The following SH3RF3 variants were observed in gnomAD, a reference collection of about 807,000 sequenced individuals.
The protein encoded by SH3RF3 is E3 ubiquitin-protein ligase SH3RF3.
A neutral mutation model predicts 66.3 loss-of-function variants in SH3RF3; 29 were observed. The ratio of observed to expected loss-of-function variants is 0.44; its 90% CI spans 0.33 to 0.60. The LOEUF is 0.60. SH3RF3 is among the 20% of genes least tolerant of loss of function. The probability of loss-of-function intolerance (pLI) is 0.04; values close to 1 mark genes in which losing one functional copy is unlikely to be tolerated. For missense variants in SH3RF3, 1,194 were observed against 1,190.9 expected, an observed-to-expected ratio of 1.00 and a Z score of -0.04; for synonymous variants, 583 against 532.0, an observed-to-expected ratio of 1.10 and a Z score of -1.32.
chr2:109,351,794 A>T (rs1298434243), intron 2 of SH3RF3, among the ~76,000 whole-genome samples: 1 of 152,236 alleles, frequency 6.6e-6, no homozygotes, highest in Non-Finnish European at 1.5e-5. Flanking sequence ...GGCTGCAGCC[A>T]CTGTGCTGTC....
At chr2:109,498,573 G>A (rs1461970642) in intron 9 of SH3RF3, among the ~76,000 whole-genome samples, 10 of 152,212 alleles carry the variant, frequency 6.6e-5, no homozygotes, top group Admixed American at 5.9e-4. Context: ...CATGCACTCA[G>A]CTCGATTTTC....
Position 109,343,615 on chromosome 2 carries a change from GCT to G in SH3RF3, c.574-4055_574-4054del, listed in dbSNP as rs771923837. Among the ~76,000 whole-genome samples the G allele has an allele frequency of 1.9e-3, 292 of 152,264 alleles. 1 individual carries two copies. Among genetic ancestry groups the G allele is most frequent in the Non-Finnish European group, 1.7e-3 (118 of 68,030 alleles). ...ACAGCTTGCTTGCTCCGAGAATCAT[GCT>G]CTCAGTACCAGACTCGAGCCCAGCA... On this transcript the variant is annotated intron_variant, in intron 1 of 9. Coordinates refer to ENST00000309415, the MANE Select transcript of SH3RF3 (RefSeq NM_001099289.3).
chr2:109,442,138 C>T (rs369893915), intron 7 of SH3RF3, among the ~76,000 whole-genome samples: 22 of 151,900 alleles, frequency 1.4e-4, no homozygotes, highest in Admixed American at 5.2e-4. Flanking sequence ...AGTGAAACCC[C>T]GTCTCTACTA....
chr2:109,281,919 G>A (rs537800152), intron 1 of SH3RF3, among the ~76,000 whole-genome samples: 44 of 152,292 alleles, frequency 2.9e-4, no homozygotes, highest in Non-Finnish European at 5.6e-4. Flanking sequence ...CATGTGGCAG[G>A]AGCTGAAAGG....
At chr2:109,493,364 G>T (rs1679180080) in intron 9 of SH3RF3, among the ~76,000 whole-genome samples, 1 of 145,124 alleles carries the variant, frequency 6.9e-6, no homozygotes, top group South Asian at 2.2e-4. Context: ...ACAGACACAT[G>T]CCACACACTG....
chr2:109,460,173 C>A (rs905357380), intron 8 of SH3RF3, among the ~76,000 whole-genome samples: 1 of 152,158 alleles, frequency 6.6e-6, no homozygotes, highest in Non-Finnish European at 1.5e-5. Context: ...TGTGGAATAC[C>A]GTGATGGTGG....
chr2:109,449,124 T>G (rs761528517), intron 7 of SH3RF3, 46 bp from the exon 8 acceptor site: 1 of 1,584,552 alleles, frequency 6.3e-7, no homozygotes, highest in Non-Finnish European at 8.6e-7. Flanking sequence ...CATGGCAAGT[T>G]GCAAACTAAC....
At chr2:109,226,788 C>T (rs763690765) in intron 1 of SH3RF3, among the ~76,000 whole-genome samples, 26 of 152,176 alleles carry the variant, frequency 1.7e-4, no homozygotes, top group Non-Finnish European at 2.6e-4. Context: ...CATTAAGGAA[C>T]TTGTGGCTTA....
intron 1 of SH3RF3, among the ~76,000 whole-genome samples, chr2:109,286,694 C>A (rs1553498987): frequency 6.6e-6 from 1 of 152,190 alleles, no homozygotes; most frequent in Non-Finnish European, 1.5e-5. Context: ...CATCTGCTAG[C>A]AAAACCTGCT....
At chr2:109,354,398 G>GGC (rs1224451489) in intron 2 of SH3RF3, among the ~76,000 whole-genome samples, 1 of 152,220 alleles carries the variant, frequency 6.6e-6, no homozygotes, top group Non-Finnish European at 1.5e-5. Flanking sequence ...CCAGAAAAGT[G>GGC]GCGCAGCGTT....
intron 1 of SH3RF3, among the ~76,000 whole-genome samples, chr2:109,315,453 G>A (rs11892357): frequency 0.31 from 47,459 of 152,142 alleles, 9,170 homozygotes; most frequent in African/African-American, 0.55. Context: ...GCTTGTGTCT[G>A]TAGAATGCAC....
chr2:109,145,101 G>C (rs1036452963), intron 1 of SH3RF3, among the ~76,000 whole-genome samples: 4 of 152,214 alleles, frequency 2.6e-5, no homozygotes, highest in Non-Finnish European at 5.9e-5. Context: ...AGTCATCTCT[G>C]AGTCTTCCCT....
At chr2:109,397,905 A>G (rs555836030) in intron 3 of SH3RF3, among the ~76,000 whole-genome samples, 3 of 152,350 alleles carry the variant, frequency 2.0e-5, no homozygotes, top group African/African-American at 4.8e-5. Context: ...AACGCCTGCT[A>G]TCTTGTAGAA....
In SH3RF3 at chr2:109,417,736, A is replaced by C. The variant is rs545585018; in HGVS notation, c.1300-1803A>C. Among the ~76,000 whole-genome samples the C allele has an allele frequency of 8.9e-4, 135 of 152,298 alleles. 1 individual carries two copies. The highest frequency in any genetic ancestry group is 3.1e-3 in the African/African-American group (129 of 41,580). On this transcript the variant is annotated intron_variant, in intron 4 of 9. Coordinates refer to ENST00000309415, the MANE Select transcript of SH3RF3 (RefSeq NM_001099289.3). ...GCCAGGCGCACTGGGTTTAAACAGG[A>C]GGAAGAAATCGTTTCTGACTTTGTA...
chr2:109,450,869 C>T (rs1385186442), intron 8 of SH3RF3, among the ~76,000 whole-genome samples: 2 of 152,232 alleles, frequency 1.3e-5, no homozygotes, highest in Non-Finnish European at 2.9e-5. Flanking sequence ...GATCTTTTGA[C>T]ATCTTTCCAT....
At chr2:109,480,626 G>GGGA (rs1036818964) in intron 8 of SH3RF3, among the ~76,000 whole-genome samples, 19 of 152,064 alleles carry the variant, frequency 1.2e-4, no homozygotes, top group Non-Finnish European at 2.2e-4. Flanking sequence ...GCTGCCCTGT[G>GGGA]GGAGGAGGAG....
At chr2:109,342,024 G>A (rs985711878) in intron 1 of SH3RF3, among the ~76,000 whole-genome samples, 3 of 152,188 alleles carry the variant, frequency 2.0e-5, no homozygotes, top group East Asian at 3.9e-4. Flanking sequence ...GGTCTCACCC[G>A]CCGGGGCCTA....
rs529147342 is a variant in SH3RF3, at chr2:109,199,989, G to C, written c.573+69876G>C. 1.1e-4 allele frequency among the ~76,000 whole-genome samples: 16 copies of C among 152,238 alleles called. No individual in the cohort carries two copies. In the East Asian group the frequency reaches 2.9e-3, roughly 28 times the overall value. ...TCTGGGGACAGTTTTGGTTGTCACA[G>C]CTAAGGTGGGGTGGGTGCTGCTGAG... On this transcript the variant is annotated intron_variant, in intron 1 of 9. Transcript: ENST00000309415.
At chr2:109,500,523 G>T (rs1397599800) in intron 9 of SH3RF3, among the ~76,000 whole-genome samples, 2 of 152,224 alleles carry the variant, frequency 1.3e-5, no homozygotes, top group African/African-American at 4.8e-5. Flanking sequence ...CTCAGAGGCT[G>T]CAGGGGGCCC....
Sources: gnomAD v4.1 joint callset for allele counts (sites outside exome capture counted in the v4.1 genomes callset) on GRCh38, gnomAD v4.1.1 for gene constraint, MANE v1.5 for transcripts, NCBI Gene and HGNC (gene_info 2026-07-23, HGNC 2026-07-21) for gene names.